POLA1: variants seen among roughly 807,000 people sequenced by gnomAD.
POLA1 encodes DNA polymerase alpha catalytic subunit.
In POLA1, 15 loss-of-function variants were observed where a neutral mutation model predicts 124.0. That is an observed-to-expected ratio of 0.12 (90% CI 0.08 to 0.19). The LOEUF is 0.19. Among genes scored for constraint, POLA1 ranks in the 10% least tolerant of loss-of-function variants. The probability of loss-of-function intolerance (pLI) is 1.00; values close to 1 mark genes in which losing one functional copy is unlikely to be tolerated. For missense variants in POLA1, 886 were observed against 1,103.4 expected (o/e 0.80, Z 2.79); for synonymous variants, 408 against 389.4 (o/e 1.05, Z -0.56).
At chrX:24,955,552 G>A (rs1280520181) in intron 36 of POLA1, among the ~76,000 whole-genome samples, 1 of 111,443 alleles carries the variant, frequency 9.0e-6, no homozygotes, top group Non-Finnish European at 1.9e-5. Context: ...TCCACTGTGT[G>A]GTTTTAAATG....
At chrX:24,708,436 G>C (rs1341687848) in intron 4 of POLA1, among the ~76,000 whole-genome samples, 7 of 79,221 alleles carry the variant, frequency 8.8e-5, no homozygotes, top group Non-Finnish European at 1.7e-4. Flanking sequence ...CTCACAGAGG[G>C]GGATTTGGCA....
chrX:24,938,724 G>A (rs1447604587), intron 36 of POLA1, among the ~76,000 whole-genome samples: 1 of 112,586 alleles, frequency 8.9e-6, no homozygotes, highest in African/African-American at 3.2e-5. Flanking sequence ...ATGGCAGCAT[G>A]CAGCCTGCTA....
chrX:24,744,550 G>A (rs754951882), intron 23 of POLA1: 1 of 354,131 alleles, frequency 2.8e-6, no homozygotes, highest in East Asian at 8.4e-5. Context: ...AAAAGGGTGG[G>A]TCGTTCCACT....
At chrX:24,974,993 G>T (rs924898428) in intron 36 of POLA1, among the ~76,000 whole-genome samples, 1 of 111,862 alleles carries the variant, frequency 8.9e-6, no homozygotes, top group African/African-American at 3.3e-5. Context: ...GAGGAAAATG[G>T]CCTTGGTCTT....
intron 36 of POLA1, among the ~76,000 whole-genome samples, chrX:24,982,386 C>T (rs2051169480): frequency 9.0e-6 from 1 of 110,513 alleles, no homozygotes; most frequent in African/African-American, 3.3e-5. Context: ...ATGTTCTGTT[C>T]AGGTGGGGGT....
intron 26 of POLA1, among the ~76,000 whole-genome samples, chrX:24,773,337 A>G (rs1415524549): frequency 1.8e-5 from 2 of 111,889 alleles, no homozygotes; most frequent in Non-Finnish European, 3.8e-5. Flanking sequence ...TGTCCTGAAC[A>G]ATGTTATTTA....
intron 26 of POLA1, among the ~76,000 whole-genome samples, chrX:24,804,877 A>G (rs1033576512): frequency 8.9e-6 from 1 of 112,111 alleles, no homozygotes; most frequent in African/African-American, 3.2e-5. Context: ...AGGAGAACCT[A>G]CAAATACACA....
At chrX:24,749,644 A>G (rs1392233747) in intron 26 of POLA1, among the ~76,000 whole-genome samples, 1 of 111,874 alleles carries the variant, frequency 8.9e-6, no homozygotes, top group Non-Finnish European at 1.9e-5. Context: ...AAGAAGGATT[A>G]AGAATTCTGT....
At chrX:24,963,418 C>T (rs949404340) in intron 36 of POLA1, among the ~76,000 whole-genome samples, 14 of 111,517 alleles carry the variant, frequency 1.3e-4, no homozygotes, top group African/African-American at 4.2e-4. Context: ...GGGTTACAGC[C>T]GGTAGAGAAC....
At position 24,930,554 on chromosome X, in the gene POLA1, G is replaced by T; in HGVS notation, c.4261+5G>T. The T allele has an allele frequency of 9.4e-7, 1 of 1,062,026 alleles. No individual in the cohort carries two copies. Among genetic ancestry groups the T allele is most frequent in the Non-Finnish European group, 1.3e-6 (1 of 758,852 alleles). The allele number at this position is 1,062,026 out of a possible 1,213,427, so 87.5% of individuals were successfully genotyped here. A position where few individuals can be genotyped will look rare whatever the true frequency, so the allele number is the denominator to read the frequency against. On this transcript the variant is annotated splice_donor_5th_base_variant and intron_variant, in intron 36 of 36. Coordinates refer to ENST00000379068, the MANE Select transcript of POLA1 (RefSeq NM_001330360.2). Reference sequence around the variant, plus strand: ...TTACTACCGATCATGAGAAAGGTACGTTAAAATACTGTAATTACCTTTGAG... The same window carrying T: ...TTACTACCGATCATGAGAAAGGTACTTTAAAATACTGTAATTACCTTTGAG...
intron 26 of POLA1, among the ~76,000 whole-genome samples, chrX:24,752,127 G>A (rs1409768688): frequency 8.9e-6 from 1 of 111,914 alleles, no homozygotes; most frequent in Non-Finnish European, 1.9e-5. Flanking sequence ...TCCTGGAATC[G>A]TGCACGTTTG....
In POLA1 at chrX:24,703,358, C is replaced by T. The variant is rs1011224171; in HGVS notation, c.265+11C>T. The stretch of plus-strand genomic sequence containing the variant: ...GGATTGTGGATGATGGTAGGTGGGG[C>T]GGAGGTGGGGGCGGGGATGTTGCTT... On this transcript the variant is annotated intron_variant, in intron 3 of 36. Transcript: ENST00000379068. 1 of 855,568 alleles carries T rather than the reference C, an allele frequency of 1.2e-6. No individual in the cohort carries two copies. The highest frequency in any genetic ancestry group is 2.2e-5 in the South Asian group (1 of 46,294). The allele number at this position is 855,568 out of a possible 1,213,427, so 70.5% of individuals were successfully genotyped here. A position where few individuals can be genotyped will look rare whatever the true frequency, so the allele number is the denominator to read the frequency against.
chrX:24,806,337 G>C (rs1395585486), intron 26 of POLA1, among the ~76,000 whole-genome samples: 1 of 109,332 alleles, frequency 9.1e-6, no homozygotes, highest in Non-Finnish European at 1.9e-5. Flanking sequence ...TCCCTGAGTA[G>C]ATAACATCTG....
intron 4 of POLA1, among the ~76,000 whole-genome samples, chrX:24,709,811 T>TG (rs1190991584): frequency 1.8e-5 from 1 of 57,088 alleles, no homozygotes. Context: ...GCAGAGACGC[T>TG]CCTCACTTCC....
intron 26 of POLA1, among the ~76,000 whole-genome samples, chrX:24,781,072 C>T (rs556714538): frequency 1.8e-5 from 2 of 112,233 alleles, no homozygotes; most frequent in East Asian, 2.8e-4. Flanking sequence ...TTTATTGGCA[C>T]GAAGTTTTTA....
chrX:24,700,729 G>C (rs1178221043), intron 2 of POLA1, among the ~76,000 whole-genome samples: 4 of 111,551 alleles, frequency 3.6e-5, no homozygotes, highest in African/African-American at 1.3e-4. Context: ...GGCTGGTCTT[G>C]AACTCTTGAC....
intron 1 of POLA1, among the ~76,000 whole-genome samples, chrX:24,695,922 T>C (rs1927960630): frequency 8.9e-6 from 1 of 112,882 alleles, no homozygotes; most frequent in Non-Finnish European, 1.9e-5. Context: ...TGGTTTGTCT[T>C]CATGAAGTAC....
At chrX:24,888,427 C>T (rs113207924) in intron 35 of POLA1, among the ~76,000 whole-genome samples, 6 of 110,360 alleles carry the variant, frequency 5.4e-5, no homozygotes, top group African/African-American at 2.0e-4. Context: ...AAACTGCTAT[C>T]GTCTTTGGGC....
At chrX:24,909,758 T>C (rs1156960603) in intron 35 of POLA1, among the ~76,000 whole-genome samples, 10 of 111,023 alleles carry the variant, frequency 9.0e-5, no homozygotes, top group Admixed American at 9.5e-5. Flanking sequence ...AGTAGTTTTT[T>C]CCAATTCTGT....
Sources: gnomAD v4.1 joint callset for allele counts (sites outside exome capture counted in the v4.1 genomes callset) on GRCh38, gnomAD v4.1.1 for gene constraint, MANE v1.5 for transcripts, NCBI Gene and HGNC (gene_info 2026-07-23, HGNC 2026-07-21) for gene names.